The following COL8A1 variants were observed in gnomAD, a reference collection of about 807,000 sequenced individuals.
The protein encoded by COL8A1 is collagen type VIII alpha 1 chain.
Under a neutral mutation model 42.7 loss-of-function variants are expected in COL8A1, and 21 were observed. The observed-to-expected ratio is 0.49, with a 90% CI of 0.35 to 0.71. The LOEUF is 0.71. COL8A1 is among the 30% of genes least tolerant of loss of function. The pLI is 0.01. For missense variants in COL8A1, 788 were observed against 962.4 expected, an observed-to-expected ratio of 0.82 and a Z score of 2.40; for synonymous variants, 367 against 369.1, an observed-to-expected ratio of 0.99 and a Z score of 0.06.
At chr3:99,720,955 C>T (rs952125834) in intron 1 of COL8A1, among the ~76,000 whole-genome samples, 7 of 151,920 alleles carry the variant, frequency 4.6e-5, no homozygotes, top group Non-Finnish European at 1.0e-4. Flanking sequence ...TCCCTCAGTG[C>T]TTTGTTGATT....
chr3:99,700,369 G>A (rs1445395152), intron 1 of COL8A1, among the ~76,000 whole-genome samples: 1 of 151,614 alleles, frequency 6.6e-6, no homozygotes, highest in Non-Finnish European at 1.5e-5. Context: ...TCACAGAAAA[G>A]GGACAAGCAC....
In COL8A1 at chr3:99,754,432, G is replaced by GT. The variant is rs545165754; in HGVS notation, c.-4+9422dup. ...GGAGATCATGGATAATAACTATACT[G>GT]TTTTTTTTTTTCAAATTGTCTCTCA... On this transcript the variant is annotated intron_variant, in intron 2 of 3. Transcript: ENST00000652472. 3.4e-3 allele frequency among the ~76,000 whole-genome samples: 502 copies of GT among 146,034 alleles called. 4 individuals are homozygous for GT. Among genetic ancestry groups the GT allele is most frequent in the South Asian group, 0.016 (74 of 4,580 alleles).
At chr3:99,656,733 C>T (rs138460526) in intron 1 of COL8A1, among the ~76,000 whole-genome samples, 2,780 of 152,302 alleles carry the variant, frequency 0.018, 36 homozygotes, top group Non-Finnish European at 0.03. Context: ...CACTGACTCA[C>T]GTCTTTTTCT....
chr3:99,651,489 GGTCAGCGGAGGTAGCAT>G (rs1161015836), intron 1 of COL8A1, among the ~76,000 whole-genome samples: 1 of 152,250 alleles, frequency 6.6e-6, no homozygotes, highest in Non-Finnish European at 1.5e-5. Context: ...TCCGCCAGCA[GGTCAGCGGAGGTAGCAT>G]GTCTTGGAAT....
chr3:99,743,453 G>A (rs1047929075), intron 1 of COL8A1, among the ~76,000 whole-genome samples: 1 of 151,988 alleles, frequency 6.6e-6, no homozygotes, highest in Non-Finnish European at 1.5e-5. Flanking sequence ...GTCAGAGCCT[G>A]GGCCTTGTAC....
At chr3:99,746,932 CT>C (rs1941038542) in intron 2 of COL8A1, among the ~76,000 whole-genome samples, 1 of 152,050 alleles carries the variant, frequency 6.6e-6, no homozygotes, top group Admixed American at 6.6e-5. Context: ...TGAAAATGGA[CT>C]TGGTTTAACT....
At chr3:99,644,257 A>G (rs1187911739) in intron 1 of COL8A1, among the ~76,000 whole-genome samples, 2 of 152,190 alleles carry the variant, frequency 1.3e-5, no homozygotes, top group Non-Finnish European at 2.9e-5. Context: ...TATAAGTACC[A>G]TATCTATTAA....
intron 1 of COL8A1, among the ~76,000 whole-genome samples, chr3:99,693,882 A>C (rs1216916295): frequency 1.3e-5 from 2 of 152,238 alleles, no homozygotes; most frequent in South Asian, 2.1e-4. Flanking sequence ...GGCTCCATTC[A>C]TGTAAAGTGC....
intron 2 of COL8A1, among the ~76,000 whole-genome samples, chr3:99,785,750 G>C (rs998987313): frequency 3.3e-5 from 5 of 152,152 alleles, no homozygotes; most frequent in Admixed American, 3.3e-4. Flanking sequence ...ACGCAGGGAG[G>C]TGACTGCCAT....
At chr3:99,793,684 T>G (rs1942044087) in intron 3 of COL8A1, among the ~76,000 whole-genome samples, 1 of 152,198 alleles carries the variant, frequency 6.6e-6, no homozygotes, top group Non-Finnish European at 1.5e-5. Flanking sequence ...GCTTCACATA[T>G]CAGTTATCAA....
At chr3:99,715,791 T>C (rs545192268) in intron 1 of COL8A1, among the ~76,000 whole-genome samples, 8 of 152,124 alleles carry the variant, frequency 5.3e-5, no homozygotes, top group African/African-American at 1.9e-4. Flanking sequence ...TGAATGATTT[T>C]ATTGCATCAC....
chr3:99,781,527 A>G (rs188463161), intron 2 of COL8A1, among the ~76,000 whole-genome samples: 1 of 152,216 alleles, frequency 6.6e-6, no homozygotes, highest in Non-Finnish European at 1.5e-5. Context: ...TATAAAATTT[A>G]TATTTTATGT....
At chr3:99,740,610 A>C (rs1940871751) in intron 1 of COL8A1, among the ~76,000 whole-genome samples, 1 of 152,168 alleles carries the variant, frequency 6.6e-6, no homozygotes, top group Non-Finnish European at 1.5e-5. Context: ...AACCGCCCCC[A>C]TGATTCACTT....
intron 2 of COL8A1, among the ~76,000 whole-genome samples, chr3:99,784,619 T>A (rs1941857206): frequency 6.6e-6 from 1 of 152,182 alleles, no homozygotes; most frequent in African/African-American, 2.4e-5. Context: ...TATTTGTGTA[T>A]CTAAATATAT....
chr3:99,730,465 T>G (rs1269695770), intron 1 of COL8A1, among the ~76,000 whole-genome samples: 2 of 152,134 alleles, frequency 1.3e-5, no homozygotes. Flanking sequence ...ACCTGGCCAC[T>G]GAAGCCCAGC....
intron 1 of COL8A1, among the ~76,000 whole-genome samples, chr3:99,732,573 T>C (rs1476389458): frequency 6.6e-6 from 1 of 152,134 alleles, no homozygotes; most frequent in African/African-American, 2.4e-5. Flanking sequence ...ACCCTCATGA[T>C]TAAATTACCT....
intron 1 of COL8A1, chr3:99,703,489 G>A (rs967823922): frequency 3.3e-5 from 5 of 152,204 alleles, no homozygotes; most frequent in African/African-American, 7.2e-5. Context: ...ATCACTAGGG[G>A]TTGTCCTAAT....
Position 99,796,164 on chromosome 3 carries a change from G to GA in COL8A1, c.*31dup, listed in dbSNP as rs746792448. 2.9e-5 allele frequency: 41 copies of GA among 1,431,380 alleles called. No homozygotes were observed. Among genetic ancestry groups the GA allele is most frequent in the Admixed American group, 4.9e-5 (2 of 40,944 alleles). 88.7% of individuals were successfully genotyped at this position (1,431,380 alleles called of 1,614,324 possible). On this transcript the variant is annotated 3_prime_UTR_variant, in exon 4 of 4. Coordinates refer to ENST00000652472, the MANE Select transcript of COL8A1 (RefSeq NM_020351.4). The stretch of plus-strand genomic sequence containing the variant: ...ACAAAAAAACAAAAAACAAAGAAAA[G>GA]AAAGAGATTTTATAGAAGAAAATGA...
At chr3:99,698,672 G>A (rs1364835155) in intron 1 of COL8A1, among the ~76,000 whole-genome samples, 7 of 152,154 alleles carry the variant, frequency 4.6e-5, no homozygotes, top group African/African-American at 1.4e-4. Flanking sequence ...TAATACAATA[G>A]TAGCCCCCAG....
Sources: allele counts gnomAD v4.1 joint callset (sites outside exome capture counted in the v4.1 genomes callset), GRCh38; gene constraint gnomAD v4.1.1; transcripts MANE v1.5; gene names NCBI Gene and HGNC (gene_info 2026-07-23, HGNC 2026-07-21).